Variants in FOXK1 observed in about 807,000 individuals in gnomAD.
FOXK1 encodes the protein forkhead box protein K1.
A neutral mutation model predicts 51.9 loss-of-function variants in FOXK1; 19 were observed. That is an observed-to-expected ratio of 0.37 (90% CI 0.26 to 0.54). The LOEUF (loss-of-function observed/expected upper bound fraction) is 0.54. Among genes scored for constraint, FOXK1 ranks in the 20% least tolerant of loss-of-function variants. FOXK1 has a pLI of 0.87. For missense variants in FOXK1, 870 were observed against 1,032.7 expected, an observed-to-expected ratio of 0.84 and a Z score of 2.16; for synonymous variants, 537 against 482.6, an observed-to-expected ratio of 1.11 and a Z score of -1.48.
chr7:4,702,813 G>T (rs1428296839), intron 1 of FOXK1, among the ~76,000 whole-genome samples: 1 of 152,180 alleles, frequency 6.6e-6, no homozygotes, highest in East Asian at 1.9e-4. Context: ...ATCCTGGACG[G>T]GGCCTTGACG....
Position 4,758,948 on chromosome 7 carries a change from G to A in FOXK1, c.1245-103G>A, listed in dbSNP as rs759324235. On this transcript the variant is annotated intron_variant, in intron 5 of 8. Transcript: ENST00000328914. This position sits in a 1 kb window ranked among gnomAD's most constrained non-coding sequence, Gnocchi z 4.4. ...TGCGGAGGACAGAGACGAGCTCCAG[G>A]GAGCGTGGGCGGGTGACGGCGCTGA... The A allele has an allele frequency of 6.2e-4, 781 of 1,262,960 alleles. 1 individual carries two copies. Among genetic ancestry groups the A allele is most frequent in the Middle Eastern group, 2.5e-3 (9 of 3,570 alleles). The allele number at this position is 1,262,960 out of a possible 1,614,324, so 78.2% of individuals were successfully genotyped here.
At chr7:4,691,745 G>A (rs140494715) in intron 1 of FOXK1, among the ~76,000 whole-genome samples, 69 of 152,254 alleles carry the variant, frequency 4.5e-4, no homozygotes, top group South Asian at 1.2e-3. Flanking sequence ...CTCAGAGGAC[G>A]CTGAGCTCTG....
Position 4,711,256 on chromosome 7 carries a change from T to G in FOXK1, c.560+28388T>G, listed in dbSNP as rs9792106. Among the ~76,000 whole-genome samples the G allele has an allele frequency of 0.36, 54,715 of 152,018 alleles. 11,214 individuals are homozygous for G. The highest frequency in any genetic ancestry group is 0.57 in the African/African-American group (23,451 of 41,444). Reference sequence around the variant, plus strand: ...TGGGTCCCGACACCTGGGGGTGTTTTCACAGGGTGGGAAGGCTGAGTGTCC... The same window carrying G: ...TGGGTCCCGACACCTGGGGGTGTTTGCACAGGGTGGGAAGGCTGAGTGTCC... On this transcript the variant is annotated intron_variant, in intron 1 of 8. Transcript: ENST00000328914. This position sits in a 1 kb window ranked among gnomAD's most constrained non-coding sequence, Gnocchi z 6.3.
intron 1 of FOXK1, among the ~76,000 whole-genome samples, chr7:4,706,804 C>G (rs1272804902): frequency 6.6e-6 from 1 of 152,114 alleles, no homozygotes; most frequent in Non-Finnish European, 1.5e-5. Flanking sequence ...CATCGCTGAC[C>G]CCGGAGTTGG....
intron 1 of FOXK1, among the ~76,000 whole-genome samples, chr7:4,688,251 GAAGAT>G (rs1779845041): frequency 8.4e-6 from 1 of 119,722 alleles, no homozygotes; most frequent in African/African-American, 3.4e-5. Context: ...AAAATTTCTA[GAAGAT>G]AAGAATTCTT....
chr7:4,760,194 G>A (rs1331708920), intron 7 of FOXK1, among the ~76,000 whole-genome samples: 7 of 152,200 alleles, frequency 4.6e-5, no homozygotes, highest in Admixed American at 3.3e-4. Context: ...GAAAGAATGA[G>A]CCTGGGAAGA....
Position 4,748,117 on chromosome 7 carries a change from T to C in FOXK1, c.747-6342T>C, listed in dbSNP as rs1340007973. Among the ~76,000 whole-genome samples, 4 of 152,178 alleles carry C rather than the reference T, an allele frequency of 2.6e-5. No homozygotes were observed. Among genetic ancestry groups the C allele is most frequent in the Non-Finnish European group, 5.9e-5 (4 of 68,032 alleles). ...TCTTTCCCTATTTGTTTATTTTTCCTTTTTCAGATTACGAAGAGACTATCT... is the reference window on the plus strand; with the variant it reads ...TCTTTCCCTATTTGTTTATTTTTCCCTTTTCAGATTACGAAGAGACTATCT... On this transcript the variant is annotated intron_variant, in intron 2 of 8. Transcript: ENST00000328914. The surrounding 1 kb of genome is among the most constrained non-coding windows in gnomAD (Gnocchi z 4.9).
chr7:4,752,557 A>C (rs1780793372), intron 2 of FOXK1, among the ~76,000 whole-genome samples: 1 of 152,190 alleles, frequency 6.6e-6, no homozygotes. Context: ...GGTGCCCCTC[A>C]TTGGTCCTCA....
intron 1 of FOXK1, among the ~76,000 whole-genome samples, chr7:4,694,791 C>T (rs965949097): frequency 1.3e-5 from 2 of 152,156 alleles, no homozygotes; most frequent in African/African-American, 2.4e-5. Flanking sequence ...CAGCAGAGAC[C>T]GTCTCATTCC....
intron 1 of FOXK1, among the ~76,000 whole-genome samples, chr7:4,736,212 C>T (rs1198264162): frequency 6.6e-6 from 1 of 152,162 alleles, no homozygotes; most frequent in Non-Finnish European, 1.5e-5. Context: ...GTAATGAGGC[C>T]ACCTGCCTCA....
chr7:4,743,378 C>T lies in FOXK1; in HGVS notation c.746+2355C>T, dbSNP rs143546835. Among the ~76,000 whole-genome samples, 112 of 152,190 alleles carry T rather than the reference C, an allele frequency of 7.4e-4. 1 individual carries two copies. Among genetic ancestry groups the T allele is most frequent in the African/African-American group, 2.5e-3 (105 of 41,544 alleles). On this transcript the variant is annotated intron_variant, in intron 2 of 8. Coordinates refer to ENST00000328914, the MANE Select transcript of FOXK1 (RefSeq NM_001037165.2). This position sits in a 1 kb window ranked among gnomAD's most constrained non-coding sequence, Gnocchi z 5.3. Reference sequence around the variant, plus strand: ...CAGCCTGGGCAACATGGTGAAACCCCGTCTCTACTAAAAATACAAAAATCA... The same window carrying T: ...CAGCCTGGGCAACATGGTGAAACCCTGTCTCTACTAAAAATACAAAAATCA...
chr7:4,703,918 A>G lies in FOXK1; in HGVS notation c.560+21050A>G, dbSNP rs1027256323. ...TGAAGGCTAAATACTCCCAGTCACT[A>G]TAAATACAGAAAACCAAACCTGGTG... On this transcript the variant is annotated intron_variant, in intron 1 of 8. Coordinates refer to ENST00000328914, the MANE Select transcript of FOXK1 (RefSeq NM_001037165.2). The surrounding 1 kb of genome is among the most constrained non-coding windows in gnomAD (Gnocchi z 5.6). Among the ~76,000 whole-genome samples, 2 of 152,200 alleles carry G rather than the reference A, an allele frequency of 1.3e-5. No homozygotes were observed. The highest frequency in any genetic ancestry group is 2.9e-5 in the Non-Finnish European group (2 of 68,032).
chr7:4,750,022 G>A (rs1260541739), intron 2 of FOXK1, among the ~76,000 whole-genome samples: 2 of 152,210 alleles, frequency 1.3e-5, no homozygotes, highest in Non-Finnish European at 2.9e-5. Context: ...GTCAGCATGG[G>A]GTTGTCCCTG....
Position 4,763,925 on chromosome 7 carries a change from T to G in FOXK1, c.*1461T>G, listed in dbSNP as rs554158760. 12 of 152,258 alleles carry G rather than the reference T, an allele frequency of 7.9e-5. No individual in the cohort carries two copies. Among genetic ancestry groups the G allele is most frequent in the African/African-American group, 2.6e-4 (11 of 41,546 alleles). The allele number at this position is 152,258 out of a possible 1,614,324, so 9.4% of individuals were successfully genotyped here. ...ACCACAACGAGAAACAGCGACAGATTCGACGCAGAGCTCCGGAAGTGCCTG... is the reference window on the plus strand; with the variant it reads ...ACCACAACGAGAAACAGCGACAGATGCGACGCAGAGCTCCGGAAGTGCCTG... On this transcript the variant is annotated 3_prime_UTR_variant, in exon 9 of 9. Coordinates refer to ENST00000328914, the MANE Select transcript of FOXK1 (RefSeq NM_001037165.2).
intron 1 of FOXK1, among the ~76,000 whole-genome samples, chr7:4,685,889 G>C (rs1198923797): frequency 6.6e-6 from 1 of 151,512 alleles, no homozygotes; most frequent in Non-Finnish European, 1.5e-5. Flanking sequence ...GTTGCAGTGA[G>C]CTGAGATCAC....
In FOXK1 at chr7:4,703,510, C is replaced by G. The variant is rs1271638138; in HGVS notation, c.560+20642C>G. On this transcript the variant is annotated intron_variant, in intron 1 of 8. Coordinates refer to ENST00000328914, the MANE Select transcript of FOXK1 (RefSeq NM_001037165.2). This position sits in a 1 kb window ranked among gnomAD's most constrained non-coding sequence, Gnocchi z 5.6. ...GCTCCCCCAGGGTGGCCCGACCCTG[C>G]TGCGCGGGAGGGAAAGAGCCACAAC... 6.6e-6 allele frequency among the ~76,000 whole-genome samples: 1 copy of G among 152,218 alleles called. No individual in the cohort carries two copies. Among genetic ancestry groups the G allele is most frequent in the African/African-American group, 2.4e-5 (1 of 41,460 alleles).
rs1398235432 is a variant in FOXK1, at chr7:4,695,924, G to C, written c.560+13056G>C. Among the ~76,000 whole-genome samples, 16 of 135,554 alleles carry C rather than the reference G, an allele frequency of 1.2e-4. No individual in the cohort carries two copies. The Admixed American group carries it at 1.2e-3, about 11-fold the overall frequency. The allele number at this position is 135,554 out of a possible 152,430, so 88.9% of individuals were successfully genotyped here. ...GCACTCCAGTCTGGGCAACAAGAGC[G>C]AAACTCCGTCTCAAAAAAAAAAAAA... On this transcript the variant is annotated intron_variant, in intron 1 of 8. Transcript: ENST00000328914.
At chr7:4,751,300 A>G (rs78082435) in intron 2 of FOXK1, among the ~76,000 whole-genome samples, 7,273 of 144,414 alleles carry the variant, frequency 0.05, 212 homozygotes, top group Middle Eastern at 0.14. Flanking sequence ...GGGATTACCA[A>G]TCCCAAAGCA....
rs1256496377 is a variant in FOXK1, at chr7:4,731,773, A to AG, written c.561-9065_561-9064insG. ...AACTCTGCCTCAAAAAAAAAAAAAA[A>AG]AAAAGAAAACAGAGAGGCCTGCTTA... On this transcript the variant is annotated intron_variant, in intron 1 of 8. Coordinates refer to ENST00000328914, the MANE Select transcript of FOXK1 (RefSeq NM_001037165.2). This position sits in a 1 kb window ranked among gnomAD's most constrained non-coding sequence, Gnocchi z 5.3. Among the ~76,000 whole-genome samples the AG allele has an allele frequency of 1.7e-4, 26 of 152,100 alleles. No individual in the cohort carries two copies. The highest frequency in any genetic ancestry group is 6.3e-4 in the African/African-American group (26 of 41,428).
Sources: gnomAD v4.1 joint callset for allele counts (sites outside exome capture counted in the v4.1 genomes callset) on GRCh38, gnomAD v4.1.1 for gene constraint, Gnocchi (gnomAD v3.1) non-coding constraint, MANE v1.5 for transcripts, NCBI Gene and HGNC (gene_info 2026-07-23, HGNC 2026-07-21) for gene names.